The following FUT9 variants were observed in gnomAD, a reference collection of about 807,000 sequenced individuals.
FUT9 encodes fucosyltransferase 9.
FUT9 carries 15 observed loss-of-function variants against 29.7 expected under a neutral mutation model. That is an observed-to-expected ratio of 0.51 (90% CI 0.34 to 0.78). FUT9 has a LOEUF of 0.78. Ranked by LOEUF, FUT9 falls within the 30% of genes least tolerant of loss-of-function variation. FUT9 has a pLI of 0.01. For synonymous variants in FUT9, 169 were observed against 153.7 expected (o/e 1.10, Z -0.74); for missense variants, 319 against 425.4 (o/e 0.75, Z 2.20).
At chr6:96,025,276 A>T (rs933343522) in intron 1 of FUT9, among the ~76,000 whole-genome samples, 3 of 151,758 alleles carry the variant, frequency 2.0e-5, no homozygotes, top group Admixed American at 2.0e-4. Flanking sequence ...GAATTCTCAG[A>T]CAAGGAACTC....
At chr6:96,039,435 T>C (rs1384526333) in intron 1 of FUT9, among the ~76,000 whole-genome samples, 1 of 152,178 alleles carries the variant, frequency 6.6e-6, no homozygotes, top group Non-Finnish European at 1.5e-5. Context: ...CCTGTAAGTT[T>C]CTACTGAGCC....
intron 1 of FUT9, among the ~76,000 whole-genome samples, chr6:96,055,287 C>T (rs1450962093): frequency 6.6e-6 from 1 of 152,022 alleles, no homozygotes; most frequent in Non-Finnish European, 1.5e-5. Context: ...TCCTTCTGCT[C>T]AGTAATTTAT....
chr6:96,208,109 T>G lies in FUT9; in HGVS notation c.*3874T>G, dbSNP rs147099677. 11 of 167,092 alleles carry G rather than the reference T, an allele frequency of 6.6e-5. No individual in the cohort carries two copies. The East Asian group carries it at 2.1e-3, about 32-fold the overall frequency. 10.4% of individuals were successfully genotyped at this position (167,092 alleles called of 1,614,324 possible). A position where few individuals can be genotyped will look rare whatever the true frequency, so the allele number is the denominator to read the frequency against. ...GGCTTAGAAAGCTCAGCGCATTTGA[T>G]GTATAAAGCAACAGAATATTTAGGA... On this transcript the variant is annotated 3_prime_UTR_variant, in exon 3 of 3. Transcript: ENST00000302103.
intron 1 of FUT9, among the ~76,000 whole-genome samples, chr6:96,066,589 A>G (rs867008732): frequency 1.4e-4 from 22 of 152,098 alleles, no homozygotes; most frequent in African/African-American, 4.1e-4. Flanking sequence ...GTTCTTCCAC[A>G]TTCCAACCAT....
intron 1 of FUT9, among the ~76,000 whole-genome samples, chr6:96,060,025 T>C (rs1770845385): frequency 1.3e-5 from 2 of 152,338 alleles, no homozygotes; most frequent in South Asian, 4.1e-4. Flanking sequence ...AAAAACACAT[T>C]GTGTCTATTA....
At chr6:96,097,029 G>T (rs1771510016) in intron 1 of FUT9, among the ~76,000 whole-genome samples, 1 of 152,078 alleles carries the variant, frequency 6.6e-6, no homozygotes, top group Non-Finnish European at 1.5e-5. Context: ...AGAAAGTGAA[G>T]CTCACAGAGA....
At chr6:96,109,125 G>T (rs1344807732) in intron 1 of FUT9, among the ~76,000 whole-genome samples, 1 of 152,122 alleles carries the variant, frequency 6.6e-6, no homozygotes, top group Non-Finnish European at 1.5e-5. Flanking sequence ...ATCATAAACA[G>T]CACATAGTAC....
At chr6:96,170,739 T>A (rs1773098896) in intron 2 of FUT9, among the ~76,000 whole-genome samples, 2 of 152,118 alleles carry the variant, frequency 1.3e-5, no homozygotes, top group Admixed American at 1.3e-4. Flanking sequence ...GAAAGAAATA[T>A]CTTTTTCTAA....
chr6:96,179,432 T>G (rs1468938496), intron 2 of FUT9, among the ~76,000 whole-genome samples: 1 of 152,136 alleles, frequency 6.6e-6, no homozygotes, highest in Admixed American at 6.6e-5. Flanking sequence ...GTCAAAGAGA[T>G]GCACAGCAGC....
intron 2 of FUT9, among the ~76,000 whole-genome samples, chr6:96,180,329 T>A (rs771795441): frequency 3.9e-5 from 6 of 152,044 alleles, no homozygotes; most frequent in African/African-American, 9.7e-5. Context: ...AGGTTGGGGA[T>A]GTTGCCCAAA....
At chr6:96,120,572 C>T (rs1238715614) in intron 2 of FUT9, among the ~76,000 whole-genome samples, 11 of 146,694 alleles carry the variant, frequency 7.5e-5, no homozygotes, top group African/African-American at 1.3e-4. Context: ...CGTGAACCAC[C>T]GTGCCTGGGC....
rs191666213 is a variant in FUT9 at position 96,021,269 on chromosome 6, G to T, written c.-98+5057G>T. Among the ~76,000 whole-genome samples the T allele has an allele frequency of 2.7e-3, 411 of 151,838 alleles. 2 individuals carry two copies. Among genetic ancestry groups the T allele is most frequent in the African/African-American group, 7.3e-3 (302 of 41,426 alleles). On this transcript the variant is annotated intron_variant, in intron 1 of 2. Transcript: ENST00000302103. ...AATTTTAACTCTGACAGAGTTTTTT[G>T]TTGTTGTTGTTGTTGTTTTGTTTTT...
chr6:96,090,474 T>C (rs2127953666), intron 1 of FUT9, among the ~76,000 whole-genome samples: 1 of 151,840 alleles, frequency 6.6e-6, no homozygotes, highest in South Asian at 2.1e-4. Context: ...TTATATCAAC[T>C]CATAATTATA....
chr6:96,161,371 G>C (rs1772898474), intron 2 of FUT9, among the ~76,000 whole-genome samples: 1 of 152,118 alleles, frequency 6.6e-6, no homozygotes, highest in African/African-American at 2.4e-5. Flanking sequence ...CACCAAATCT[G>C]CCAGCACCTT....
intron 2 of FUT9, among the ~76,000 whole-genome samples, chr6:96,121,897 AT>A (rs1425927520): frequency 6.6e-5 from 10 of 152,134 alleles, no homozygotes; most frequent in Admixed American, 5.2e-4. Flanking sequence ...ATGCCTCTTG[AT>A]TTTATGAGAG....
intron 2 of FUT9, among the ~76,000 whole-genome samples, chr6:96,192,431 A>T (rs1222324835): frequency 6.6e-5 from 10 of 152,178 alleles, no homozygotes; most frequent in African/African-American, 2.4e-4. Flanking sequence ...GAGCGAAATC[A>T]TGAGTGAACT....
chr6:96,207,628 A>T lies in FUT9; in HGVS notation c.*3393A>T, dbSNP rs1266718788. On this transcript the variant is annotated 3_prime_UTR_variant, in exon 3 of 3. Transcript: ENST00000302103. ...GGTTGCAATTCTTTGTAAGAAACTC[A>T]TGAAAAAGATATATTGATTCAACAA... 2 of 167,040 alleles carry T rather than the reference A, an allele frequency of 1.2e-5. No homozygotes were observed. Among genetic ancestry groups the T allele is most frequent in the Admixed American group, 6.5e-5 (1 of 15,270 alleles). 10.3% of individuals were successfully genotyped at this position (167,040 alleles called of 1,614,324 possible).
At chr6:96,138,255 G>T (rs2127972019) in intron 2 of FUT9, among the ~76,000 whole-genome samples, 1 of 152,286 alleles carries the variant, frequency 6.6e-6, no homozygotes, top group South Asian at 2.1e-4. Flanking sequence ...AAAGAAAGAG[G>T]AATTGTAAGT....
intron 2 of FUT9, among the ~76,000 whole-genome samples, chr6:96,128,398 A>G (rs1772171561): frequency 1.3e-5 from 2 of 152,164 alleles, no homozygotes; most frequent in African/African-American, 4.8e-5. Flanking sequence ...AACCTTACCA[A>G]TTAATTACCT....
Sources: gnomAD v4.1 joint callset for allele counts (sites outside exome capture counted in the v4.1 genomes callset) on GRCh38, gnomAD v4.1.1 for gene constraint, MANE v1.5 for transcripts, NCBI Gene and HGNC (gene_info 2026-07-23, HGNC 2026-07-21) for gene names.